Variants in VEGFC observed in about 807,000 individuals in gnomAD.
VEGFC encodes FLT4 ligand DHM.
VEGFC carries 12 observed loss-of-function variants against 46.1 expected under a neutral mutation model. That is an observed-to-expected ratio of 0.26 (90% CI 0.17 to 0.42). The LOEUF is 0.42. Among genes scored for constraint, VEGFC ranks in the 10% least tolerant of loss-of-function variants. The probability of loss-of-function intolerance (pLI) is 1.00; values close to 1 mark genes in which losing one functional copy is unlikely to be tolerated. For synonymous variants in VEGFC, 232 were observed against 195.5 expected (o/e 1.19, Z -1.56); for missense variants, 488 against 529.4 (o/e 0.92, Z 0.77).
chr4:176,759,372 A>G (rs764144073), intron 1 of VEGFC, among the ~76,000 whole-genome samples: 2 of 152,172 alleles, frequency 1.3e-5, no homozygotes, highest in African/African-American at 2.4e-5. Flanking sequence ...AGGCACAAAA[A>G]GACAAATATG....
intron 1 of VEGFC, among the ~76,000 whole-genome samples, chr4:176,744,999 T>C (rs2110885550): frequency 6.6e-6 from 1 of 152,192 alleles, no homozygotes. Flanking sequence ...GCCTTACCTT[T>C]TCTGTCTGAA....
intron 4 of VEGFC, among the ~76,000 whole-genome samples, chr4:176,705,209 C>A (rs561381831): frequency 6.6e-6 from 1 of 152,110 alleles, no homozygotes; most frequent in South Asian, 2.1e-4. Flanking sequence ...AATGAATAAA[C>A]AAACACTACT....
chr4:176,748,159 C>T (rs774273580), intron 1 of VEGFC, among the ~76,000 whole-genome samples: 5 of 152,158 alleles, frequency 3.3e-5, no homozygotes, highest in Admixed American at 6.6e-5. Context: ...TGACGACATA[C>T]ATACAATTTA....
intron 4 of VEGFC, among the ~76,000 whole-genome samples, chr4:176,700,652 C>T (rs575860858): frequency 5.9e-5 from 9 of 152,178 alleles, no homozygotes; most frequent in African/African-American, 2.2e-4. Flanking sequence ...TAATTTTCTG[C>T]TCTACTATTT....
At chr4:176,747,826 T>A (rs1036393047) in intron 1 of VEGFC, among the ~76,000 whole-genome samples, 1 of 151,922 alleles carries the variant, frequency 6.6e-6, no homozygotes, top group African/African-American at 2.4e-5. Flanking sequence ...TTCTCTTTCA[T>A]TAAGCATCTT....
At chr4:176,715,372 C>T (rs769583569) in intron 3 of VEGFC, among the ~76,000 whole-genome samples, 12 of 152,006 alleles carry the variant, frequency 7.9e-5, no homozygotes, top group Non-Finnish European at 1.8e-4. Context: ...GAGAAAGATA[C>T]CTTTGATAAT....
intron 3 of VEGFC, among the ~76,000 whole-genome samples, chr4:176,720,391 C>A (rs1395170270): frequency 6.6e-6 from 1 of 152,166 alleles, no homozygotes; most frequent in Non-Finnish European, 1.5e-5. Flanking sequence ...TCTTTCAAAT[C>A]AGCATATTCA....
chr4:176,696,797 T>C (rs1014891503), intron 4 of VEGFC, among the ~76,000 whole-genome samples: 1 of 152,130 alleles, frequency 6.6e-6, no homozygotes, highest in African/African-American at 2.4e-5. Context: ...TATAGATCAA[T>C]GGAACAGAAC....
At chr4:176,694,806 G>C (rs1323506645) in intron 4 of VEGFC, among the ~76,000 whole-genome samples, 259 of 136,396 alleles carry the variant, frequency 1.9e-3, no homozygotes, top group African/African-American at 6.6e-3. Flanking sequence ...AATCAAACTA[G>C]AACTCAGGAT....
intron 1 of VEGFC, among the ~76,000 whole-genome samples, chr4:176,791,325 T>C (rs1736086001): frequency 6.6e-6 from 1 of 152,148 alleles, no homozygotes; most frequent in Non-Finnish European, 1.5e-5. Context: ...ATGAACTTTT[T>C]AGATAAAGAT....
chr4:176,784,873 G>A (rs1335413874), intron 1 of VEGFC, among the ~76,000 whole-genome samples: 1 of 151,428 alleles, frequency 6.6e-6, no homozygotes, highest in Non-Finnish European at 1.5e-5. Flanking sequence ...CAAAGAAGCA[G>A]AGAGAAACTA....
chr4:176,690,399 T>C (rs1214712642), intron 4 of VEGFC, among the ~76,000 whole-genome samples: 1 of 152,128 alleles, frequency 6.6e-6, no homozygotes, highest in Non-Finnish European at 1.5e-5. Context: ...ATATATGTTT[T>C]TTCACATTTT....
chr4:176,713,752 G>T (rs2111001325), intron 3 of VEGFC, among the ~76,000 whole-genome samples: 1 of 152,308 alleles, frequency 6.6e-6, no homozygotes, highest in African/African-American at 2.4e-5. Flanking sequence ...GAGGTGGGAA[G>T]AGGCAAAGGA....
At chr4:176,728,082 A>C (rs1192425433) in intron 2 of VEGFC, 114 bp from the exon 3 acceptor site, 4 of 800,108 alleles carry the variant, frequency 5.0e-6, no homozygotes, top group Non-Finnish European at 7.5e-6. Context: ...TAAGTTCAAT[A>C]TATAACTAAA....
chr4:176,698,741 C>G (rs987572214), intron 4 of VEGFC, among the ~76,000 whole-genome samples: 2 of 152,030 alleles, frequency 1.3e-5, no homozygotes, highest in Non-Finnish European at 2.9e-5. Context: ...ACCGTGGTGA[C>G]CACTCTTCTA....
At chr4:176,704,427 T>C (rs950451273) in intron 4 of VEGFC, among the ~76,000 whole-genome samples, 1 of 152,158 alleles carries the variant, frequency 6.6e-6, no homozygotes, top group Non-Finnish European at 1.5e-5. Context: ...GTTCCTACTA[T>C]GAACAGGTGC....
chr4:176,789,517 A>T (rs772317421), intron 1 of VEGFC, among the ~76,000 whole-genome samples: 4 of 152,236 alleles, frequency 2.6e-5, no homozygotes, highest in Non-Finnish European at 5.9e-5. Context: ...ATAAGAGTAG[A>T]TGTTGACAAA....
At chr4:176,741,457 T>A (rs1735173577) in intron 1 of VEGFC, among the ~76,000 whole-genome samples, 2 of 151,946 alleles carry the variant, frequency 1.3e-5, no homozygotes, top group South Asian at 4.1e-4. Context: ...GTTTGGTTTA[T>A]TTTTAGTGTC....
chr4:176,790,681 T>C (rs145445607), intron 1 of VEGFC, among the ~76,000 whole-genome samples: 6 of 152,208 alleles, frequency 3.9e-5, no homozygotes, highest in Admixed American at 6.5e-5. Flanking sequence ...TAAGTGACCG[T>C]AACCAATACA....
Sources: allele counts gnomAD v4.1 joint callset (sites outside exome capture counted in the v4.1 genomes callset), GRCh38; gene constraint gnomAD v4.1.1; transcripts MANE v1.5; gene names NCBI Gene and HGNC (gene_info 2026-07-23, HGNC 2026-07-21).